CADM2: variants seen among roughly 807,000 people sequenced by gnomAD.
The protein encoded by CADM2 is cell adhesion molecule 2.
A neutral mutation model predicts 49.8 loss-of-function variants in CADM2; 12 were observed. The observed-to-expected ratio is 0.24, with a 90% CI of 0.15 to 0.39. The LOEUF (loss-of-function observed/expected upper bound fraction) is 0.39, where lower values mean the gene tolerates loss of function less well. Ranked by LOEUF, CADM2 falls within the 10% of genes least tolerant of loss-of-function variation. The probability of loss-of-function intolerance (pLI) is 1.00; values close to 1 mark genes in which losing one functional copy is unlikely to be tolerated. For synonymous variants in CADM2, 214 were observed against 175.4 expected (o/e 1.22, Z -1.74); for missense variants, 378 against 492.3 (o/e 0.77, Z 2.20).
intron 1 of CADM2, among the ~76,000 whole-genome samples, chr3:85,501,204 G>A (rs536488649): frequency 1.1e-4 from 17 of 152,204 alleles, no homozygotes; most frequent in African/African-American, 4.1e-4. Flanking sequence ...TAATTAAAAT[G>A]TGGTGATTAG....
chr3:85,476,923 CACACAG>C (rs1322184398), intron 1 of CADM2, among the ~76,000 whole-genome samples: 2 of 142,394 alleles, frequency 1.4e-5, no homozygotes, highest in Non-Finnish European at 3.2e-5. Flanking sequence ...CACACACACA[CACACAG>C]ATCTATTTTC....
At chr3:85,382,386 G>A (rs1166339322) in intron 1 of CADM2, among the ~76,000 whole-genome samples, 1 of 152,078 alleles carries the variant, frequency 6.6e-6, no homozygotes, top group Admixed American at 6.6e-5. Context: ...ATAGGGATGG[G>A]ATAGGAGTCA....
intron 1 of CADM2, among the ~76,000 whole-genome samples, chr3:85,207,050 ATGTGTG>A (rs3085116): frequency 7.7e-4 from 111 of 144,964 alleles, no homozygotes; most frequent in South Asian, 2.2e-3. Flanking sequence ...GAAGAAATAA[ATGTGTG>A]TGTGTGTGTG....
chr3:85,406,120 A>T (rs866408951), intron 1 of CADM2, among the ~76,000 whole-genome samples: 1 of 152,006 alleles, frequency 6.6e-6, no homozygotes, highest in Non-Finnish European at 1.5e-5. Flanking sequence ...GAGACCAACC[A>T]ATAGACAATT....
chr3:86,008,166 T>A (rs983358166), intron 8 of CADM2, among the ~76,000 whole-genome samples: 6 of 152,124 alleles, frequency 3.9e-5, no homozygotes, highest in African/African-American at 7.2e-5. Flanking sequence ...AAGGATAGTA[T>A]TGCAAAATGT....
At chr3:85,268,119 G>A (rs1308526291) in intron 1 of CADM2, among the ~76,000 whole-genome samples, 1 of 151,436 alleles carries the variant, frequency 6.6e-6, no homozygotes, top group East Asian at 1.9e-4. Context: ...GGATATCAGG[G>A]AAAGAATTCC....
At chr3:85,672,130 C>A (rs553147061) in intron 1 of CADM2, among the ~76,000 whole-genome samples, 2 of 148,464 alleles carry the variant, frequency 1.3e-5, no homozygotes, top group African/African-American at 2.5e-5. Flanking sequence ...AAACATAAGT[C>A]AAGAAAGAAA....
chr3:85,586,175 A>G (rs544920434), intron 1 of CADM2, among the ~76,000 whole-genome samples: 3 of 152,204 alleles, frequency 2.0e-5, no homozygotes, highest in Admixed American at 6.5e-5. Flanking sequence ...ATGTACCACA[A>G]CAGTCTGCTA....
At chr3:85,948,250 A>G (rs1415239035) in intron 7 of CADM2, among the ~76,000 whole-genome samples, 1 of 151,550 alleles carries the variant, frequency 6.6e-6, no homozygotes, top group African/African-American at 2.4e-5. Context: ...AAATTGAAAT[A>G]CTATGATTAT....
Position 85,341,008 on chromosome 3 carries a change from T to A in CADM2, c.61+381340T>A, listed in dbSNP as rs186721190. On this transcript the variant is annotated intron_variant, in intron 1 of 9. Coordinates refer to ENST00000383699, the MANE Select transcript of CADM2 (RefSeq NM_001167675.2). ...TCTAATATTTACATTGTTGTAATAC[T>A]AAAATCTTAGTCACTGTGTTGCTGG... Among the ~76,000 whole-genome samples the A allele has an allele frequency of 1.7e-3, 255 of 151,872 alleles. 1 individual carries two copies. The highest frequency in any genetic ancestry group is 5.9e-3 in the African/African-American group (245 of 41,518).
intron 1 of CADM2, among the ~76,000 whole-genome samples, chr3:84,982,827 C>A (rs968827132): frequency 7.4e-5 from 11 of 149,428 alleles, no homozygotes; most frequent in African/African-American, 2.5e-4. Flanking sequence ...CTCACTGCAA[C>A]CTCCCCGTCC....
chr3:86,019,153 G>A (rs1382391984), intron 8 of CADM2, among the ~76,000 whole-genome samples: 60 of 123,406 alleles, frequency 4.9e-4, no homozygotes, highest in Non-Finnish European at 9.1e-4. Context: ...CCCATTGCTT[G>A]TTTTTCTCAG....
chr3:85,169,318 C>T (rs1251854446), intron 1 of CADM2, among the ~76,000 whole-genome samples: 2 of 152,058 alleles, frequency 1.3e-5, no homozygotes, highest in Middle Eastern at 3.2e-3. Flanking sequence ...TTTTATTCTA[C>T]TTAGTTTTGT....
At chr3:85,668,060 A>G (rs760815298) in intron 1 of CADM2, among the ~76,000 whole-genome samples, 3 of 152,052 alleles carry the variant, frequency 2.0e-5, no homozygotes, top group Non-Finnish European at 4.4e-5. Flanking sequence ...AATTGCCTAC[A>G]AATTAAATGT....
At chr3:85,618,718 C>A (rs958839790) in intron 1 of CADM2, among the ~76,000 whole-genome samples, 10 of 151,832 alleles carry the variant, frequency 6.6e-5, no homozygotes, top group African/African-American at 2.2e-4. Context: ...ACTATTAATT[C>A]TATGTTTTGT....
chr3:85,776,333 T>C (rs1335002019), intron 2 of CADM2, among the ~76,000 whole-genome samples: 1 of 114,230 alleles, frequency 8.8e-6, no homozygotes, highest in Non-Finnish European at 1.8e-5. Context: ...ACACAAACTC[T>C]CTTACACACA....
intron 1 of CADM2, among the ~76,000 whole-genome samples, chr3:85,185,480 A>G (rs1167208533): frequency 6.6e-6 from 1 of 152,156 alleles, no homozygotes; most frequent in Non-Finnish European, 1.5e-5. Flanking sequence ...ATAAGCACTT[A>G]TATGTAGCAT....
chr3:85,996,598 G>T (rs1000494307), intron 8 of CADM2, among the ~76,000 whole-genome samples: 18 of 151,990 alleles, frequency 1.2e-4, no homozygotes, highest in Non-Finnish European at 2.2e-4. Context: ...ACCTATAAAT[G>T]TGCAGAGGTG....
intron 1 of CADM2, among the ~76,000 whole-genome samples, chr3:85,463,715 T>C (rs2038359864): frequency 6.6e-6 from 1 of 152,170 alleles, no homozygotes; most frequent in Non-Finnish European, 1.5e-5. Context: ...AAAAATGGTG[T>C]GGAAAATAAT....
Sources: allele counts gnomAD v4.1 joint callset (sites outside exome capture counted in the v4.1 genomes callset), GRCh38; gene constraint gnomAD v4.1.1; transcripts MANE v1.5; gene names NCBI Gene and HGNC (gene_info 2026-07-23, HGNC 2026-07-21).